The following SLC23A2 variants were observed in gnomAD, a reference collection of about 807,000 sequenced individuals.
SLC23A2 encodes the protein Na(+)/L-ascorbic acid transporter 2.
In SLC23A2, 36 loss-of-function variants were observed where a neutral mutation model predicts 73.3. The ratio of observed to expected loss-of-function variants is 0.49; its 90% CI spans 0.38 to 0.65. SLC23A2 has a LOEUF of 0.65. Ranked by LOEUF, SLC23A2 falls within the 30% of genes least tolerant of loss-of-function variation. The pLI, the probability that SLC23A2 is intolerant of heterozygous loss-of-function variation, is 0.00. For synonymous variants in SLC23A2, 343 were observed against 327.3 expected, an observed-to-expected ratio of 1.05 and a Z score of -0.52; for missense variants, 507 against 841.6, an observed-to-expected ratio of 0.60 and a Z score of 4.92.
At position 4,855,732 on chromosome 20, in the gene SLC23A2, C is replaced by T. The variant is rs1929691068; in HGVS notation, c.*1240G>A. 6.6e-6 allele frequency: 1 copy of T among 152,668 alleles called. No individual in the cohort carries two copies. Among genetic ancestry groups the T allele is most frequent in the Non-Finnish European group, 1.5e-5 (1 of 68,046 alleles). The allele number at this position is 152,668 out of a possible 1,614,324, so 9.5% of individuals were successfully genotyped here. On this transcript the variant is annotated 3_prime_UTR_variant, in exon 17 of 17. Transcript: ENST00000338244. The stretch of plus-strand genomic sequence containing the variant: ...ACGTGGCGGCTCTGCGTGTTACCTG[C>T]CCCAGCTTCCCTTCTTCACAAAACA...
At chr20:4,938,804 T>C (rs1369184924) in intron 2 of SLC23A2, among the ~76,000 whole-genome samples, 4 of 152,278 alleles carry the variant, frequency 2.6e-5, no homozygotes, top group Middle Eastern at 3.4e-3. Context: ...TGGCCCCTAC[T>C]GTGGTTACTC....
At chr20:4,886,028 A>C (rs1280403223) in intron 6 of SLC23A2, 119 bp from the exon 7 acceptor site, 4 of 618,300 alleles carry the variant, frequency 6.5e-6, no homozygotes, top group Non-Finnish European at 1.1e-5. Context: ...ATGCAGGCAC[A>C]CCTAGAAGAA....
At chr20:4,882,789 C>T (rs1930943535) in intron 9 of SLC23A2, among the ~76,000 whole-genome samples, 1 of 152,200 alleles carries the variant, frequency 6.6e-6, no homozygotes, top group African/African-American at 2.4e-5. Flanking sequence ...ATAAATACCA[C>T]CTGTTATTAA....
chr20:4,934,933 A>G (rs1321560378), intron 2 of SLC23A2, among the ~76,000 whole-genome samples: 3 of 152,030 alleles, frequency 2.0e-5, no homozygotes, highest in Non-Finnish European at 2.9e-5. Flanking sequence ...CATGCCTGTA[A>G]TCCCAGCACT....
At chr20:5,009,367 A>T (rs2088224524) in intron 1 of SLC23A2, among the ~76,000 whole-genome samples, 1 of 152,134 alleles carries the variant, frequency 6.6e-6, no homozygotes, top group Non-Finnish European at 1.5e-5. Context: ...CCTCTGGATC[A>T]TTCTTGCTCA....
chr20:4,983,478 C>G (rs13042159), intron 1 of SLC23A2, among the ~76,000 whole-genome samples: 19,499 of 136,760 alleles, frequency 0.14, 1,526 homozygotes, highest in South Asian at 0.26. Context: ...AACCCCGTCT[C>G]TACTAAAAAT....
chr20:4,916,970 A>C (rs1263747088), intron 3 of SLC23A2, among the ~76,000 whole-genome samples: 1 of 152,198 alleles, frequency 6.6e-6, no homozygotes, highest in African/African-American at 2.4e-5. Flanking sequence ...ACTCTGTCAT[A>C]AGTCAAGGAA....
rs1383994295 is a variant in SLC23A2, at chr20:4,899,929, G to GGTGC, written c.325-221_325-218dup. Among the ~76,000 whole-genome samples, 7 of 152,286 alleles carry GGTGC rather than the reference G, an allele frequency of 4.6e-5. No individual in the cohort carries two copies. Among genetic ancestry groups the GGTGC allele is most frequent in the African/African-American group, 1.7e-4 (7 of 41,546 alleles). ...CCCATTGCCCTCGACGGAGTGCAATGGTGCGATCTTGGCTCACTGTGACCT... is the reference window on the plus strand; with the variant it reads ...CCCATTGCCCTCGACGGAGTGCAATGGTGCGTGCGATCTTGGCTCACTGTGACCT... On this transcript the variant is annotated intron_variant, in intron 5 of 16. Transcript: ENST00000338244. The surrounding 1 kb of genome is among the most constrained non-coding windows in gnomAD (Gnocchi z 4.9).
At chr20:4,934,984 G>A (rs572488912) in intron 2 of SLC23A2, among the ~76,000 whole-genome samples, 1 of 151,656 alleles carries the variant, frequency 6.6e-6, no homozygotes, top group South Asian at 2.1e-4. Flanking sequence ...TCAGGAGATT[G>A]AGACCATCCT....
intron 2 of SLC23A2, among the ~76,000 whole-genome samples, chr20:4,934,847 A>G (rs1357594447): frequency 6.6e-6 from 1 of 151,106 alleles, no homozygotes; most frequent in Non-Finnish European, 1.5e-5. Flanking sequence ...TGGGCAAAAG[A>G]GTGAGACTCT....
chr20:4,932,444 AAT>A lies in SLC23A2; in HGVS notation c.108+9_108+10del, dbSNP rs1387581218. 1 of 1,382,140 alleles carries A rather than the reference AAT, an allele frequency of 7.2e-7. No homozygotes were observed. The highest frequency in any genetic ancestry group is 1.4e-5 in the African/African-American group (1 of 70,378). 85.6% of individuals were successfully genotyped at this position (1,382,140 alleles called of 1,614,324 possible). On this transcript the variant is annotated intron_variant, in intron 3 of 16. Transcript: ENST00000338244. The stretch of plus-strand genomic sequence containing the variant: ...AGAGATTTAAGAAAGGAAGATGGGG[AAT>A]ATGATTACCGGAAGAGTGAAGAAAG...
At chr20:4,945,293 CTTG>C (rs2087102731) in intron 2 of SLC23A2, among the ~76,000 whole-genome samples, 1 of 151,802 alleles carries the variant, frequency 6.6e-6, no homozygotes, top group Non-Finnish European at 1.5e-5. Flanking sequence ...AACTCTTGAT[CTTG>C]TTTGTTTGTT....
At chr20:4,889,151 T>C (rs113175576) in intron 6 of SLC23A2, among the ~76,000 whole-genome samples, 75 of 152,316 alleles carry the variant, frequency 4.9e-4, no homozygotes, top group African/African-American at 1.4e-3. Context: ...GGGGCCGTGA[T>C]GTGACGGTGT....
upstream of SLC23A2, among the ~76,000 whole-genome samples, chr20:5,005,224 A>G (rs1409621596): frequency 2.0e-5 from 3 of 151,920 alleles, no homozygotes; most frequent in African/African-American, 4.8e-5. Context: ...TTAAATGTAT[A>G]TAAAGTGCTT....
intron 3 of SLC23A2, 106 bp downstream of exon 3, chr20:4,932,349 C>A: frequency 1.3e-6 from 1 of 756,728 alleles, no homozygotes. Flanking sequence ...TTTGCAAATG[C>A]CTTAACCTTC....
intron 2 of SLC23A2, among the ~76,000 whole-genome samples, chr20:4,938,994 C>T (rs1334980369): frequency 6.6e-6 from 1 of 151,970 alleles, no homozygotes; most frequent in Non-Finnish European, 1.5e-5. Flanking sequence ...GTAATCCCAA[C>T]ACTTTGGGAG....
rs1931777298 is a variant in SLC23A2, at chr20:4,902,318, T to G, written c.324+124A>C. The G allele has an allele frequency of 6.4e-6, 4 of 620,812 alleles. No individual in the cohort carries two copies. In the South Asian group the frequency reaches 8.0e-5, roughly 12 times the overall value. The allele number at this position is 620,812 out of a possible 1,614,324, so 38.5% of individuals were successfully genotyped here. On this transcript the variant is annotated intron_variant, in intron 5 of 16. Coordinates refer to ENST00000338244, the MANE Select transcript of SLC23A2 (RefSeq NM_005116.6). The surrounding 1 kb of genome is among the most constrained non-coding windows in gnomAD (Gnocchi z 4.0). ...TGTGCTCAGCCCCTACTCATCACTC[T>G]TAAAAGAGGAATTTATAAAAGTCTT...
At chr20:4,892,653 G>A (rs1268831471) in intron 6 of SLC23A2, among the ~76,000 whole-genome samples, 1 of 152,116 alleles carries the variant, frequency 6.6e-6, no homozygotes, top group Non-Finnish European at 1.5e-5. Context: ...TGGCAACAAT[G>A]TTTACCCTAA....
chr20:4,934,859 T>C (rs1320151957), intron 2 of SLC23A2, among the ~76,000 whole-genome samples: 3 of 147,860 alleles, frequency 2.0e-5, no homozygotes, highest in Non-Finnish European at 4.5e-5. Context: ...TGAGACTCTG[T>C]CTAAAAAAAA....
Sources: allele counts gnomAD v4.1 joint callset (sites outside exome capture counted in the v4.1 genomes callset), GRCh38; gene constraint gnomAD v4.1.1; non-coding constraint Gnocchi (gnomAD v3.1); transcripts MANE v1.5; gene names NCBI Gene and HGNC (gene_info 2026-07-23, HGNC 2026-07-21).